The following NPAS3 variants were observed in gnomAD, a reference collection of about 807,000 sequenced individuals.
The protein encoded by NPAS3 is neuronal PAS domain-containing protein 3.
In NPAS3, 14 loss-of-function variants were observed where a neutral mutation model predicts 73.1. The observed-to-expected ratio is 0.19, with a 90% CI of 0.13 to 0.30. The LOEUF (loss-of-function observed/expected upper bound fraction) is 0.30, where lower values mean the gene tolerates loss of function less well. NPAS3 is among the 10% of genes least tolerant of loss of function. The probability of loss-of-function intolerance (pLI) is 1.00; values close to 1 mark genes in which losing one functional copy is unlikely to be tolerated. For missense variants in NPAS3, 1,096 were observed against 1,250.0 expected, an observed-to-expected ratio of 0.88 and a Z score of 1.86; for synonymous variants, 620 against 541.5, an observed-to-expected ratio of 1.14 and a Z score of -2.01.
chr14:33,300,958 C>T (rs1310937099), intron 3 of NPAS3, among the ~76,000 whole-genome samples: 2 of 152,102 alleles, frequency 1.3e-5, no homozygotes, highest in Non-Finnish European at 2.9e-5. Flanking sequence ...GGTGGACTCC[C>T]AGCCTCTAGG....
At chr14:33,442,903 C>A (rs1044102023) in intron 4 of NPAS3, among the ~76,000 whole-genome samples, 2 of 152,106 alleles carry the variant, frequency 1.3e-5, no homozygotes, top group Admixed American at 1.3e-4. Flanking sequence ...GTTTTCTGAA[C>A]CTTGTTTACT....
At chr14:33,082,873 G>C (rs191365647) in intron 2 of NPAS3, among the ~76,000 whole-genome samples, 78 of 152,192 alleles carry the variant, frequency 5.1e-4, no homozygotes, top group East Asian at 2.7e-3. Context: ...AATTATAGCT[G>C]TTATTATTCA....
chr14:33,800,208 C>A lies in NPAS3; in HGVS notation c.1901C>A (p.Pro634Gln). Residue 634 changes from proline to glutamine, a missense_variant, in exon 12 of 12, where the codon CCG (proline) becomes CAG (glutamine). Physicochemically the swap from Pro to Gln is moderately conservative, Grantham distance 76 (BLOSUM62 -1). Around this residue, in one of 5 missense-constraint regions of NPAS3, gnomAD observed 698 missense variants for 676.7 expected, o/e 1.03. Transcript: ENST00000356141. The surrounding 1 kb of genome is among the most constrained non-coding windows in gnomAD (Gnocchi z 6.5). Reference sequence around the variant, plus strand: ...CTGGACGCGGGCCTGGTGGAGCCCCCGCGGCTGCTGTCCTCCCCCAACAGT... The same window carrying A: ...CTGGACGCGGGCCTGGTGGAGCCCCAGCGGCTGCTGTCCTCCCCCAACAGT... The A allele has an allele frequency of 6.2e-7, 1 of 1,612,224 alleles. No homozygotes were observed. The highest frequency in any genetic ancestry group is 8.5e-7 in the Non-Finnish European group (1 of 1,179,518).
intron 4 of NPAS3, among the ~76,000 whole-genome samples, chr14:33,468,216 CCCTAGGGAAGGCCA>C (rs1165554337): frequency 5.9e-5 from 9 of 152,180 alleles, no homozygotes; most frequent in Admixed American, 5.9e-4. Flanking sequence ...TGATTTAAAG[CCCTAGGGAAGGCCA>C]CCAGGCTCGT....
chr14:33,228,824 G>A (rs1000606609), intron 3 of NPAS3, among the ~76,000 whole-genome samples: 2 of 152,122 alleles, frequency 1.3e-5, no homozygotes, highest in South Asian at 2.1e-4. Flanking sequence ...TGATTAACGC[G>A]AAAGGAGAAA....
At chr14:33,456,413 T>C (rs1461934588) in intron 4 of NPAS3, among the ~76,000 whole-genome samples, 1 of 152,138 alleles carries the variant, frequency 6.6e-6, no homozygotes, top group Non-Finnish European at 1.5e-5. Flanking sequence ...AATAGCAACA[T>C]GCATGAAATT....
intron 4 of NPAS3, among the ~76,000 whole-genome samples, chr14:33,468,330 G>A (rs2050625733): frequency 6.6e-6 from 1 of 152,140 alleles, no homozygotes; most frequent in South Asian, 2.1e-4. Context: ...ACTGCATAAC[G>A]ATCTGTAGAA....
At chr14:33,494,884 C>T (rs1037516853) in intron 4 of NPAS3, among the ~76,000 whole-genome samples, 43 of 152,064 alleles carry the variant, frequency 2.8e-4, no homozygotes, top group African/African-American at 9.2e-4. Context: ...TTAAGGAAGG[C>T]GCCTAATAAT....
At position 33,544,825 on chromosome 14, in the gene NPAS3, A is replaced by ATATATATATTATATATATATATATAAT; in HGVS notation, c.469-15293_469-15292insATATATTATATATATATATATAATTAT. Reference sequence around the variant, plus strand: ...ATATATATATATGTATATATAATATATATGTGTATATATATATTATATATA... The same window carrying ATATATATATTATATATATATATATAAT: ...ATATATATATATGTATATATAATATATATATATATTATATATATATATATAATTATGTGTATATATATATTATATATA... On this transcript the variant is annotated intron_variant, in intron 4 of 11. Coordinates refer to ENST00000356141, the Ensembl canonical transcript of NPAS3. 2.4e-3 allele frequency among the ~76,000 whole-genome samples: 264 copies of ATATATATATTATATATATATATATAAT among 111,816 alleles called. 5 individuals carry two copies. The highest frequency in any genetic ancestry group is 5.0e-3 in the African/African-American group (122 of 24,432). 73.4% of individuals were successfully genotyped at this position (111,816 alleles called of 152,430 possible). A position where few individuals can be genotyped will look rare whatever the true frequency, so the allele number is the denominator to read the frequency against.
At chr14:33,773,890 A>G (rs547479949) in intron 7 of NPAS3, among the ~76,000 whole-genome samples, 141 of 152,204 alleles carry the variant, frequency 9.3e-4, no homozygotes, top group African/African-American at 3.2e-3. Flanking sequence ...TACAATATCA[A>G]CCCCTGAACG....
intron 2 of NPAS3, among the ~76,000 whole-genome samples, chr14:33,199,038 G>A (rs1292175086): frequency 6.6e-6 from 1 of 152,178 alleles, no homozygotes; most frequent in Non-Finnish European, 1.5e-5. Flanking sequence ...CTCCAAGTGT[G>A]GGGCCCGCCG....
rs796805061 is a variant in NPAS3, at chr14:33,224,592, T to C, written c.385+9166T>C. Among the ~76,000 whole-genome samples the C allele has an allele frequency of 1.6e-4, 24 of 152,278 alleles. 1 individual carries two copies. Among genetic ancestry groups the C allele is most frequent in the African/African-American group, 5.8e-4 (24 of 41,564 alleles). On this transcript the variant is annotated intron_variant, in intron 3 of 11. Transcript: ENST00000356141. ...CTTTTAACAAAGTCAGTTACAGAGT[T>C]GGAACTAGAATTTGGGCCTCTGTGA...
At chr14:33,533,145 A>T (rs1365503503) in intron 4 of NPAS3, among the ~76,000 whole-genome samples, 1 of 152,154 alleles carries the variant, frequency 6.6e-6, no homozygotes, top group African/African-American at 2.4e-5. Context: ...CAGGTATTAT[A>T]AAAGACTGGC....
At position 32,966,772 on chromosome 14, in the gene NPAS3, G is replaced by C. The variant is rs1457256447; in HGVS notation, c.50+27406G>C. ...GGCCTGGGCGACAGAGCGAGACTCC[G>C]TCTCAAAAAAAAAAAAAAAAAAAAA... On this transcript the variant is annotated intron_variant, in intron 1 of 11. Transcript: ENST00000356141. 6.3e-5 allele frequency among the ~76,000 whole-genome samples: 3 copies of C among 47,542 alleles called. No individual in the cohort carries two copies. In the Admixed American group the frequency reaches 6.6e-4, roughly 10 times the overall value. The allele number at this position is 47,542 out of a possible 152,430, so 31.2% of individuals were successfully genotyped here. A position where few individuals can be genotyped will look rare whatever the true frequency, so the allele number is the denominator to read the frequency against.
chr14:33,401,427 C>T (rs1273781789), intron 4 of NPAS3, among the ~76,000 whole-genome samples: 8 of 152,026 alleles, frequency 5.3e-5, no homozygotes, highest in South Asian at 2.1e-4. Flanking sequence ...GTGTTAAATA[C>T]GAGAACTTGT....
intron 3 of NPAS3, among the ~76,000 whole-genome samples, chr14:33,297,144 C>T (rs182094640): frequency 2.0e-5 from 3 of 152,214 alleles, no homozygotes; most frequent in Admixed American, 1.3e-4. Flanking sequence ...TTGAGAACAT[C>T]GATTTGAAAT....
chr14:33,196,078 A>G (rs563067329), intron 2 of NPAS3, among the ~76,000 whole-genome samples: 1 of 152,372 alleles, frequency 6.6e-6, no homozygotes, highest in African/African-American at 2.4e-5. Flanking sequence ...GAAGTCACAC[A>G]GCTATTACTG....
At chr14:33,798,794 C>A (rs1359006083) in intron 11 of NPAS3, among the ~76,000 whole-genome samples, 2 of 152,072 alleles carry the variant, frequency 1.3e-5, no homozygotes, top group Non-Finnish European at 2.9e-5. Flanking sequence ...AGGAAAATTC[C>A]TAGCCCATTG....
At chr14:33,318,618 A>G (rs2043306097) in intron 3 of NPAS3, among the ~76,000 whole-genome samples, 1 of 152,122 alleles carries the variant, frequency 6.6e-6, no homozygotes, top group South Asian at 2.1e-4. Context: ...GCCAAATGAT[A>G]ATAATTGCTG....
Sources: gnomAD v4.1 joint callset for allele counts (sites outside exome capture counted in the v4.1 genomes callset) on GRCh38, gnomAD v4.1.1 for gene constraint, gnomAD v4.1.1 regional missense constraint, Gnocchi (gnomAD v3.1) non-coding constraint, MANE v1.5 for transcripts, NCBI Gene and HGNC (gene_info 2026-07-23, HGNC 2026-07-21) for gene names.